CLASP1: variants seen among roughly 807,000 people sequenced by gnomAD.
CLASP1 encodes the protein CLIP-associating protein 1.
Under a neutral mutation model 192.3 loss-of-function variants are expected in CLASP1, and 38 were observed. The observed-to-expected ratio is 0.20, with a 90% CI of 0.15 to 0.26. CLASP1 has a LOEUF of 0.26. Among genes scored for constraint, CLASP1 ranks in the 10% least tolerant of loss-of-function variants. CLASP1 has a pLI of 1.00. For synonymous variants in CLASP1, 691 were observed against 712.8 expected, an observed-to-expected ratio of 0.97 and a Z score of 0.49; for missense variants, 1,433 against 1,932.5, an observed-to-expected ratio of 0.74 and a Z score of 4.85.
intron 23 of CLASP1, among the ~76,000 whole-genome samples, chr2:121,417,761 T>C (rs918763717): frequency 6.6e-6 from 1 of 152,230 alleles, no homozygotes; most frequent in African/African-American, 2.4e-5. Flanking sequence ...TGAATAACAT[T>C]AGAAGGGGCT....
chr2:121,341,955 A>G (rs559564240), intron 39 of CLASP1, among the ~76,000 whole-genome samples: 1 of 152,344 alleles, frequency 6.6e-6, no homozygotes, highest in Admixed American at 6.5e-5. Flanking sequence ...AATAGATTTA[A>G]AAAGATACCA....
chr2:121,635,319 T>C (rs1354428287), intron 1 of CLASP1, among the ~76,000 whole-genome samples: 1 of 152,212 alleles, frequency 6.6e-6, no homozygotes, highest in Non-Finnish European at 1.5e-5. Flanking sequence ...CTCTCTGATG[T>C]TGTTATGTTG....
chr2:121,619,165 A>C (rs1280584890), intron 1 of CLASP1, among the ~76,000 whole-genome samples: 1 of 152,228 alleles, frequency 6.6e-6, no homozygotes, highest in Non-Finnish European at 1.5e-5. Flanking sequence ...AATGAATAAA[A>C]GGTTCAAGCT....
chr2:121,516,180 G>A (rs941430925), intron 6 of CLASP1, among the ~76,000 whole-genome samples: 1 of 152,150 alleles, frequency 6.6e-6, no homozygotes, highest in Non-Finnish European at 1.5e-5. Flanking sequence ...ACAAAAATGG[G>A]TAGTACAGGC....
At chr2:121,596,982 T>C (rs1559723411) in intron 2 of CLASP1, among the ~76,000 whole-genome samples, 2 of 152,148 alleles carry the variant, frequency 1.3e-5, no homozygotes, top group Non-Finnish European at 2.9e-5. Flanking sequence ...GAATGGGCCT[T>C]GAGACAAATG....
At chr2:121,638,077 T>C (rs547821963) in intron 1 of CLASP1, among the ~76,000 whole-genome samples, 3 of 152,076 alleles carry the variant, frequency 2.0e-5, no homozygotes, top group East Asian at 1.9e-4. Flanking sequence ...AAAGGACTTG[T>C]AACCAAAAGA....
chr2:121,498,807 C>CA (rs1255034252), intron 8 of CLASP1, among the ~76,000 whole-genome samples: 1 of 152,068 alleles, frequency 6.6e-6, no homozygotes, highest in East Asian at 1.9e-4. Context: ...CTAATAAGCA[C>CA]ATGAAAAAGA....
chr2:121,528,358 C>G (rs1464350875), intron 4 of CLASP1, among the ~76,000 whole-genome samples: 2 of 152,216 alleles, frequency 1.3e-5, no homozygotes, highest in African/African-American at 4.8e-5. Flanking sequence ...CCTGACTCCC[C>G]AGACACCACA....
intron 8 of CLASP1, among the ~76,000 whole-genome samples, chr2:121,495,240 A>G (rs2093480268): frequency 6.6e-6 from 1 of 150,796 alleles, no homozygotes; most frequent in Non-Finnish European, 1.5e-5. Flanking sequence ...GCTGAATGGC[A>G]TGAACCCAGG....
chr2:121,463,318 T>C (rs1462421309), intron 9 of CLASP1, among the ~76,000 whole-genome samples: 1 of 152,188 alleles, frequency 6.6e-6, no homozygotes, highest in Non-Finnish European at 1.5e-5. Flanking sequence ...CATGGATTAG[T>C]CTGATTGCTT....
chr2:121,629,889 T>C (rs1162179447), intron 1 of CLASP1, among the ~76,000 whole-genome samples: 1 of 152,152 alleles, frequency 6.6e-6, no homozygotes, highest in African/African-American at 2.4e-5. Context: ...AGAAAACGTA[T>C]GGAAGGGAAC....
rs2073640420 is a variant in CLASP1 at position 121,388,027 on chromosome 2, C to T, written c.3124-121G>A. 2.6e-5 allele frequency: 18 copies of T among 687,174 alleles called. No homozygotes were observed. In the South Asian group the frequency reaches 4.0e-4, roughly 15 times the overall value. 42.6% of individuals were successfully genotyped at this position (687,174 alleles called of 1,614,324 possible). On this transcript the variant is annotated intron_variant, in intron 30 of 39. Coordinates refer to ENST00000263710, the Ensembl canonical transcript of CLASP1. ...ACTAATAAGAGGGCATTCTAGGCAT[C>T]AAAAACAAAAAAGCATCTGAAGAAA...
At chr2:121,492,868 T>A (rs1428176892) in intron 8 of CLASP1, among the ~76,000 whole-genome samples, 1 of 152,118 alleles carries the variant, frequency 6.6e-6, no homozygotes, top group Non-Finnish European at 1.5e-5. Context: ...GTTTAAAAGC[T>A]TGTATACAAA....
At chr2:121,467,982 G>A (rs2089977004) in intron 9 of CLASP1, among the ~76,000 whole-genome samples, 2 of 152,144 alleles carry the variant, frequency 1.3e-5, no homozygotes. Flanking sequence ...GTAAGGAAGA[G>A]GTCCAGTTTC....
intron 6 of CLASP1, among the ~76,000 whole-genome samples, chr2:121,524,546 T>TCCCA (rs1231745872): frequency 6.6e-6 from 1 of 151,962 alleles, no homozygotes; most frequent in Non-Finnish European, 1.5e-5. Context: ...AACCTCTGCC[T>TCCCA]CCCAGGTTCA....
chr2:121,373,366 T>A (rs1210139747), intron 34 of CLASP1, among the ~76,000 whole-genome samples: 1 of 152,184 alleles, frequency 6.6e-6, no homozygotes, highest in East Asian at 1.9e-4. Flanking sequence ...CCTCTTTTCT[T>A]TATAAATTAC....
intron 2 of CLASP1, chr2:121,603,043 C>T (rs2063975760): frequency 6.6e-6 from 1 of 151,856 alleles, no homozygotes; most frequent in Admixed American, 6.6e-5. Context: ...AAGATATTTG[C>T]AAATTACTCC....
chr2:121,631,343 AC>A (rs1286165038), intron 1 of CLASP1, among the ~76,000 whole-genome samples: 3 of 132,950 alleles, frequency 2.3e-5, no homozygotes, highest in Admixed American at 8.5e-5. Flanking sequence ...GCTGGAGTGC[AC>A]TGGTACGATC....
chr2:121,566,943 G>A (rs188343460), intron 2 of CLASP1, among the ~76,000 whole-genome samples: 165 of 152,320 alleles, frequency 1.1e-3, no homozygotes, highest in African/African-American at 3.8e-3. Flanking sequence ...CAGCCCTGGT[G>A]TGGCCTTCAC....
Sources: allele counts gnomAD v4.1 joint callset (sites outside exome capture counted in the v4.1 genomes callset), GRCh38; gene constraint gnomAD v4.1.1; transcripts MANE v1.5; gene names NCBI Gene and HGNC (gene_info 2026-07-23, HGNC 2026-07-21).